The following TAX1BP1 variants were observed in gnomAD, a reference collection of about 807,000 sequenced individuals.
TAX1BP1 encodes the protein Tax1 binding protein 1, also known as tax1-binding protein 1.
TAX1BP1 carries 62 observed loss-of-function variants against 97.7 expected under a neutral mutation model. The observed-to-expected ratio is 0.63, with a 90% CI of 0.52 to 0.78. TAX1BP1 has a LOEUF of 0.78. Among genes scored for constraint, TAX1BP1 ranks in the 30% least tolerant of loss-of-function variants. TAX1BP1 has a pLI of 0.00. For missense variants in TAX1BP1, 867 were observed against 916.1 expected, an observed-to-expected ratio of 0.95 and a Z score of 0.69; for synonymous variants, 340 against 304.2, an observed-to-expected ratio of 1.12 and a Z score of -1.23.
chr7:27,785,945 A>G (rs1282302749), intron 7 of TAX1BP1, among the ~76,000 whole-genome samples: 1 of 152,160 alleles, frequency 6.6e-6, no homozygotes, highest in African/African-American at 2.4e-5. Context: ...TGGAATTAAG[A>G]TACTTGTTTA....
At chr7:27,767,031 C>T (rs758315004) in intron 4 of TAX1BP1, among the ~76,000 whole-genome samples, 5 of 152,202 alleles carry the variant, frequency 3.3e-5, no homozygotes, top group Non-Finnish European at 7.4e-5. Context: ...TGTAGATGGT[C>T]TAATAATGCC....
intron 15 of TAX1BP1, 84 bp downstream of exon 15, chr7:27,817,122 GTA>G: frequency 6.8e-7 from 1 of 1,475,572 alleles, no homozygotes; most frequent in Non-Finnish European, 9.1e-7. Context: ...GTGCATATGT[GTA>G]TCTTTGTGCG....
chr7:27,772,343 C>G (rs1788878040), intron 5 of TAX1BP1: 1 of 151,782 alleles, frequency 6.6e-6, no homozygotes, highest in African/African-American at 2.4e-5. Flanking sequence ...TTCTAGAGGT[C>G]TTCTATTTGA....
intron 2 of TAX1BP1, among the ~76,000 whole-genome samples, chr7:27,754,566 T>G (rs1445199347): frequency 6.6e-6 from 1 of 151,812 alleles, no homozygotes; most frequent in Non-Finnish European, 1.5e-5. Context: ...CAGTCTTTTT[T>G]GTTTTTTGTT....
chr7:27,761,931 T>C (rs1788443467), intron 3 of TAX1BP1, among the ~76,000 whole-genome samples: 1 of 152,260 alleles, frequency 6.6e-6, no homozygotes, highest in South Asian at 2.1e-4. Context: ...TACCATTTTA[T>C]ATTCCTACCT....
intron 10 of TAX1BP1, among the ~76,000 whole-genome samples, chr7:27,793,878 A>G (rs1789812052): frequency 6.6e-6 from 1 of 152,240 alleles, no homozygotes; most frequent in South Asian, 2.1e-4. Context: ...CTCTTTTACT[A>G]TGTGATGCAT....
chr7:27,791,992 T>C lies in TAX1BP1; in HGVS notation c.1039-14T>C, dbSNP rs763492882. 36 of 1,610,830 alleles carry C rather than the reference T, an allele frequency of 2.2e-5. No homozygotes were observed. The highest frequency in any genetic ancestry group is 2.8e-5 in the Non-Finnish European group (33 of 1,177,614). On this transcript the variant is annotated splice_polypyrimidine_tract_variant and intron_variant, in intron 8 of 16. Coordinates refer to ENST00000396319, the MANE Select transcript of TAX1BP1 (RefSeq NM_006024.7). ...AGTGGTTGAATTACAAATATATTTA[T>C]CTGCTTTCTTCAGGAAGATACTTGT...
intron 13 of TAX1BP1, among the ~76,000 whole-genome samples, chr7:27,808,773 A>G (rs1468647815): frequency 2.6e-5 from 4 of 152,204 alleles, no homozygotes; most frequent in African/African-American, 7.2e-5. Flanking sequence ...GTAAGAGATG[A>G]CTACTTCTGA....
intron 7 of TAX1BP1, among the ~76,000 whole-genome samples, 156 bp from the exon 8 acceptor site, chr7:27,787,262 A>G (rs1334597661): frequency 6.6e-6 from 1 of 152,202 alleles, no homozygotes. Context: ...ATGCTTAACT[A>G]GTCATTTGGC....
intron 5 of TAX1BP1, among the ~76,000 whole-genome samples, chr7:27,775,385 C>G (rs1051765247): frequency 2.0e-5 from 3 of 152,180 alleles, no homozygotes; most frequent in Non-Finnish European, 4.4e-5. Flanking sequence ...ATTGATAATA[C>G]AATTGAAGGA....
chr7:27,741,739 A>C (rs931852940), intron 1 of TAX1BP1, among the ~76,000 whole-genome samples: 6 of 152,164 alleles, frequency 3.9e-5, no homozygotes, highest in Admixed American at 1.3e-4. Context: ...AAAAAGACAC[A>C]AAGTACAGAG....
chr7:27,765,433 TGTC>T (rs1423770326), intron 3 of TAX1BP1, among the ~76,000 whole-genome samples: 1 of 152,184 alleles, frequency 6.6e-6, no homozygotes, highest in Non-Finnish European at 1.5e-5. Flanking sequence ...ATGTAATGAA[TGTC>T]AAATTGGAGG....
intron 8 of TAX1BP1, among the ~76,000 whole-genome samples, chr7:27,789,899 T>A (rs183415510): frequency 6.6e-6 from 1 of 152,080 alleles, no homozygotes; most frequent in Non-Finnish European, 1.5e-5. Context: ...TGCTAAAAAT[T>A]TCTCTAAGCA....
chr7:27,768,989 A>G (rs1788743788), intron 4 of TAX1BP1, among the ~76,000 whole-genome samples: 1 of 151,976 alleles, frequency 6.6e-6, no homozygotes, highest in African/African-American at 2.4e-5. Flanking sequence ...TTACTATCTT[A>G]TGACCATTTA....
At chr7:27,778,077 A>G (rs1789104673) in intron 5 of TAX1BP1, among the ~76,000 whole-genome samples, 1 of 152,300 alleles carries the variant, frequency 6.6e-6, no homozygotes, top group Non-Finnish European at 1.5e-5. Context: ...ACCCAGGTTT[A>G]AAAGCCTGTA....
Position 27,758,032 on chromosome 7 carries a change from T to A in TAX1BP1, c.164T>A (p.Val55Asp). ...GCCTTTTTTGTTATTTCCCTTTAGG[T>A]TGGATGGAGTACTGCTCGTGATTAT... The part of the protein sequence containing the change: ...HPKDWVGIFK[V>D]GWSTARDYYT... The change falls in exon 3 of 17, where the codon GTT becomes GAT. Residue 55 changes from valine to aspartate, a missense_variant and splice_region_variant. By Grantham distance (152) the Val-to-Asp change is radical. Around this residue, in one of 3 missense-constraint regions of TAX1BP1, gnomAD observed 822 missense variants for 851.4 expected, o/e 0.97. Coordinates refer to ENST00000396319, the MANE Select transcript of TAX1BP1 (RefSeq NM_006024.7). 1 of 1,605,758 alleles carries A rather than the reference T, an allele frequency of 6.2e-7. No homozygotes were observed. The highest frequency in any genetic ancestry group is 8.5e-7 in the Non-Finnish European group (1 of 1,176,112).
rs761547882 is a variant in TAX1BP1, at chr7:27,769,713, TGTTAAA to T, written c.497_502del (p.Lys166_Leu167del). The stretch of plus-strand genomic sequence containing the variant: ...AAAACCATGAAAGAAAAAGAAGAAC[TGTTAAA>T]GTTAATTGCCGTTCTGGAAAAAGAA... On this transcript the variant is annotated inframe_deletion, in exon 5 of 17. Coordinates refer to ENST00000396319, the MANE Select transcript of TAX1BP1 (RefSeq NM_006024.7). The T allele has an allele frequency of 1.2e-6, 2 of 1,611,434 alleles. No individual in the cohort carries two copies. Among genetic ancestry groups the T allele is most frequent in the African/African-American group, 1.3e-5 (1 of 74,920 alleles).
chr7:27,794,575 A>G (rs1034048941), intron 11 of TAX1BP1, 129 bp downstream of exon 11: 4 of 990,620 alleles, frequency 4.0e-6, no homozygotes, highest in Non-Finnish European at 5.8e-6. Context: ...GAATTGAGGC[A>G]ACAAGAAAAT....
At chr7:27,768,042 A>T (rs985426900) in intron 4 of TAX1BP1, among the ~76,000 whole-genome samples, 4 of 151,266 alleles carry the variant, frequency 2.6e-5, no homozygotes, top group Admixed American at 6.6e-5. Flanking sequence ...TCCTAGATTT[A>T]AAAAAAAACT....
Sources: gnomAD v4.1 joint callset for allele counts (sites outside exome capture counted in the v4.1 genomes callset) on GRCh38, gnomAD v4.1.1 for gene constraint, gnomAD v4.1.1 regional missense constraint, MANE v1.5 for transcripts, NCBI Gene and HGNC (gene_info 2026-07-23, HGNC 2026-07-21) for gene names.